The following TMEM132B variants were observed in gnomAD, a reference collection of about 807,000 sequenced individuals.
TMEM132B encodes the protein transmembrane protein 132B.
TMEM132B carries 18 observed loss-of-function variants against 90.8 expected under a neutral mutation model. That is an observed-to-expected ratio of 0.20 (90% confidence interval 0.14 to 0.29). TMEM132B has a LOEUF of 0.29. Among genes scored for constraint, TMEM132B ranks in the 10% least tolerant of loss-of-function variants. The pLI, the probability that TMEM132B is intolerant of heterozygous loss-of-function variation, is 1.00. For synonymous variants in TMEM132B, 504 were observed against 523.3 expected, an observed-to-expected ratio of 0.96 and a Z score of 0.50; for missense variants, 1,096 against 1,326.8, an observed-to-expected ratio of 0.83 and a Z score of 2.70.
In TMEM132B at chr12:125,652,648, G is replaced by T. The variant is rs377592419; in HGVS notation, c.2106+16G>T. On this transcript the variant is annotated intron_variant, in intron 8 of 8. Coordinates refer to ENST00000682704, the MANE Select transcript of TMEM132B (RefSeq NM_001366854.1). ...CCCACAGCAGGTGAGCGTTCCAGGG[G>T]CCCTGCGTCCTTGGTCAGTGGGGAT... 2,584 of 1,601,414 alleles carry T rather than the reference G, an allele frequency of 1.6e-3. 50 individuals carry two copies. In the South Asian group the frequency reaches 0.024, roughly 15 times the overall value.
At chr12:125,239,771 G>A (rs1036784173) in intron 1 of TMEM132B, among the ~76,000 whole-genome samples, 10 of 152,250 alleles carry the variant, frequency 6.6e-5, no homozygotes, top group African/African-American at 2.4e-4. Flanking sequence ...CGGCTTTCGC[G>A]AGATGGTGTT....
At chr12:125,313,897 T>C (rs1876184894) in intron 1 of TMEM132B, among the ~76,000 whole-genome samples, 1 of 151,500 alleles carries the variant, frequency 6.6e-6, no homozygotes, top group South Asian at 2.1e-4. Flanking sequence ...GCATATGACC[T>C]AGCCGGTCCT....
Position 125,658,187 on chromosome 12 carries a change from A to T in TMEM132B, c.*3477A>T, listed in dbSNP as rs1301724485. On this transcript the variant is annotated 3_prime_UTR_variant, in exon 9 of 9. Transcript: ENST00000682704. ...ACTATGTAGACGGAAGTTTCTATTT[A>T]TAAAGTCATGCAGGGGGAAAGTTGA... is the stretch of plus-strand genomic sequence containing the variant. 6.6e-6 allele frequency: 1 copy of T among 152,244 alleles called. No homozygotes were observed. Among genetic ancestry groups the T allele is most frequent in the Non-Finnish European group, 1.5e-5 (1 of 68,038 alleles). The allele number at this position is 152,244 out of a possible 1,614,324, so 9.4% of individuals were successfully genotyped here. A position where few individuals can be genotyped will look rare whatever the true frequency, so the allele number is the denominator to read the frequency against.
At chr12:125,274,879 C>T (rs916324876) in intron 1 of TMEM132B, among the ~76,000 whole-genome samples, 4 of 152,170 alleles carry the variant, frequency 2.6e-5, no homozygotes, top group East Asian at 1.9e-4. Flanking sequence ...GCTATGATGA[C>T]GCTACTGCAT....
intron 1 of TMEM132B, among the ~76,000 whole-genome samples, chr12:125,282,720 C>T (rs1393620198): frequency 6.6e-6 from 1 of 152,180 alleles, no homozygotes; most frequent in African/African-American, 2.4e-5. Flanking sequence ...GTGACTGTCC[C>T]TAAATCTTTT....
intron 1 of TMEM132B, chr12:125,301,880 A>G (rs1875833939): frequency 6.7e-6 from 1 of 150,256 alleles, no homozygotes; most frequent in Non-Finnish European, 1.5e-5. Context: ...CTCCGTCTCA[A>G]AACAAAACAA....
chr12:125,211,961 A>G (rs1873328834), intron 1 of TMEM132B, among the ~76,000 whole-genome samples: 3 of 152,208 alleles, frequency 2.0e-5, no homozygotes, highest in Admixed American at 2.0e-4. Flanking sequence ...GAAGGGAGAC[A>G]CAAATGAACC....
chr12:125,448,691 A>G (rs1400511422), intron 3 of TMEM132B, among the ~76,000 whole-genome samples: 2 of 152,218 alleles, frequency 1.3e-5, no homozygotes, highest in Non-Finnish European at 2.9e-5. Context: ...AATACTCAGG[A>G]ATGGGAATTC....
chr12:125,620,264 A>G (rs1045025818), intron 5 of TMEM132B, among the ~76,000 whole-genome samples: 26 of 152,252 alleles, frequency 1.7e-4, no homozygotes, highest in African/African-American at 5.5e-4. Context: ...ATTTTAATGT[A>G]CTTTAGACAA....
At position 125,521,005 on chromosome 12, in the gene TMEM132B, G is replaced by T. The variant is rs11058219; in HGVS notation, c.1293+1380G>T. ...GAAGTACCTGTTAGGGAACAGAGAT[G>T]GATGGGTGTGGGTTTTAAGGTGGAA... On this transcript the variant is annotated intron_variant, in intron 4 of 8. Coordinates refer to ENST00000682704, the MANE Select transcript of TMEM132B (RefSeq NM_001366854.1). Among the ~76,000 whole-genome samples, 507 of 152,338 alleles carry T rather than the reference G, an allele frequency of 3.3e-3. 9 individuals carry two copies. In the East Asian group the frequency reaches 0.05, roughly 15 times the overall value.
chr12:125,203,049 C>T (rs1873101643), intron 1 of TMEM132B, among the ~76,000 whole-genome samples: 1 of 152,194 alleles, frequency 6.6e-6, no homozygotes, highest in Non-Finnish European at 1.5e-5. Flanking sequence ...TTTGGCTTGA[C>T]TGAAATCTAG....
intron 2 of TMEM132B, among the ~76,000 whole-genome samples, chr12:125,387,652 CATTT>C (rs1209864905): frequency 6.6e-6 from 1 of 152,198 alleles, no homozygotes; most frequent in African/African-American, 2.4e-5. Context: ...TGTTGGTAGT[CATTT>C]ATTGAGCTGC....
rs1233558700 is a variant in TMEM132B at position 125,626,712 on chromosome 12, C to G, written c.1438-17364C>G. 2.0e-5 allele frequency among the ~76,000 whole-genome samples: 3 copies of G among 152,174 alleles called. No homozygotes were observed. In the East Asian group the frequency reaches 5.8e-4, roughly 29 times the overall value. On this transcript the variant is annotated intron_variant, in intron 5 of 8. Transcript: ENST00000682704. ...AGCTAATGTCTTATTTCTCTGGCTC[C>G]CTACAGGATTTTCTCTTTGCTTTTG...
chr12:125,563,591 AAACAAAC>A (rs1420953821), intron 4 of TMEM132B, among the ~76,000 whole-genome samples: 3 of 150,354 alleles, frequency 2.0e-5, no homozygotes, highest in East Asian at 2.0e-4. Flanking sequence ...ACAAACAAAC[AAACAAAC>A]AAAAAAAAAC....
At chr12:125,507,281 C>T (rs1403051004) in intron 3 of TMEM132B, among the ~76,000 whole-genome samples, 1 of 152,162 alleles carries the variant, frequency 6.6e-6, no homozygotes. Context: ...GAAGTGCCTA[C>T]TATGGTACTT....
intron 4 of TMEM132B, among the ~76,000 whole-genome samples, chr12:125,548,153 G>A (rs542737613): frequency 6.6e-6 from 1 of 152,206 alleles, no homozygotes; most frequent in East Asian, 1.9e-4. Flanking sequence ...GGAGTGAATG[G>A]GTCACACCTG....
At chr12:125,566,984 C>G (rs1188328400) in intron 4 of TMEM132B, among the ~76,000 whole-genome samples, 1 of 151,864 alleles carries the variant, frequency 6.6e-6, no homozygotes, top group Non-Finnish European at 1.5e-5. Context: ...GCTGGGATTA[C>G]AGGTGCCCAC....
intron 3 of TMEM132B, among the ~76,000 whole-genome samples, chr12:125,429,917 A>C (rs1168889257): frequency 6.6e-6 from 1 of 152,184 alleles, no homozygotes; most frequent in Non-Finnish European, 1.5e-5. Context: ...CAGTGCGTGC[A>C]GCCCACGCTG....
intron 3 of TMEM132B, among the ~76,000 whole-genome samples, chr12:125,450,585 T>A (rs999015280): frequency 3.3e-5 from 5 of 152,262 alleles, no homozygotes; most frequent in Middle Eastern, 3.4e-3. Flanking sequence ...AATGCTGGCA[T>A]TGAAAAAACC....
Sources: allele counts gnomAD v4.1 joint callset (sites outside exome capture counted in the v4.1 genomes callset), GRCh38; gene constraint gnomAD v4.1.1; transcripts MANE v1.5; gene names NCBI Gene and HGNC (gene_info 2026-07-23, HGNC 2026-07-21).